Variants in TEK observed in about 807,000 individuals in gnomAD.
TEK encodes the protein TEK receptor tyrosine kinase, also known as angiopoietin-1 receptor.
Under a neutral mutation model 131.8 loss-of-function variants are expected in TEK, and 43 were observed. The observed-to-expected ratio is 0.33, with a 90% CI of 0.26 to 0.42. The LOEUF (loss-of-function observed/expected upper bound fraction) is 0.42, where lower values mean the gene tolerates loss of function less well. TEK is among the 10% of genes least tolerant of loss of function. The pLI, the probability that TEK is intolerant of heterozygous loss-of-function variation, is 1.00. For missense variants in TEK, 1,162 were observed against 1,384.4 expected (o/e 0.84, Z 2.55); for synonymous variants, 580 against 491.6 (o/e 1.18, Z -2.38).
intron 1 of TEK, among the ~76,000 whole-genome samples, chr9:27,124,796 G>T (rs1031334244): frequency 6.6e-6 from 1 of 152,074 alleles, no homozygotes; most frequent in South Asian, 2.1e-4. Context: ...CTTAAATTTA[G>T]AAAACACAAA....
At chr9:27,110,903 T>G (rs1415980271) in intron 1 of TEK, among the ~76,000 whole-genome samples, 6 of 93,774 alleles carry the variant, frequency 6.4e-5, no homozygotes, top group Non-Finnish European at 1.3e-4. Flanking sequence ...ATAATTATCA[T>G]GATTCCATTT....
chr9:27,177,240 A>G (rs1824202652), intron 6 of TEK, among the ~76,000 whole-genome samples: 1 of 152,188 alleles, frequency 6.6e-6, no homozygotes, highest in Non-Finnish European at 1.5e-5. Flanking sequence ...TGGCAGTTCT[A>G]TTTTGAGTGT....
At chr9:27,175,522 A>C (rs183080655) in intron 6 of TEK, among the ~76,000 whole-genome samples, 183 of 151,946 alleles carry the variant, frequency 1.2e-3, no homozygotes, top group African/African-American at 4.2e-3. Flanking sequence ...GTGGCTGGGT[A>C]AAATGGTATT....
At chr9:27,166,758 T>C (rs1823746464) in intron 2 of TEK, among the ~76,000 whole-genome samples, 1 of 152,230 alleles carries the variant, frequency 6.6e-6, no homozygotes, top group African/African-American at 2.4e-5. Flanking sequence ...TTTATGTGTG[T>C]GTGTGTTTTA....
intron 20 of TEK, among the ~76,000 whole-genome samples, chr9:27,219,602 T>C (rs75997795): frequency 0.012 from 1,340 of 110,062 alleles, 4 homozygotes; most frequent in Non-Finnish European, 0.021. Flanking sequence ...GGCACATGTA[T>C]CTCAGAACTT....
intron 1 of TEK, among the ~76,000 whole-genome samples, chr9:27,117,982 A>G (rs1279932412): frequency 1.3e-5 from 2 of 152,144 alleles, no homozygotes; most frequent in East Asian, 3.9e-4. Flanking sequence ...CTGGGGAGGC[A>G]CTCACTGCTC....
chr9:27,136,565 A>C (rs1333790338), intron 1 of TEK, among the ~76,000 whole-genome samples: 1 of 152,216 alleles, frequency 6.6e-6, no homozygotes, highest in Non-Finnish European at 1.5e-5. Context: ...ACACAGGTAC[A>C]GATGGACATA....
At chr9:27,216,521 G>A (rs377034767) in intron 18 of TEK, among the ~76,000 whole-genome samples, 13 of 152,248 alleles carry the variant, frequency 8.5e-5, no homozygotes, top group Middle Eastern at 3.4e-3. Flanking sequence ...GAGATGGGGT[G>A]GTGTGGACAG....
chr9:27,229,096 C>T (rs891868429), intron 22 of TEK, 62 bp from the exon 23 acceptor site: 6 of 1,497,606 alleles, frequency 4.0e-6, no homozygotes, highest in Non-Finnish European at 5.6e-6. Context: ...ATTGCTGTAA[C>T]TGCCGCTGGC....
chr9:27,116,470 G>A (rs751104473), intron 1 of TEK, among the ~76,000 whole-genome samples: 1 of 152,050 alleles, frequency 6.6e-6, no homozygotes, highest in Admixed American at 6.5e-5. Context: ...TGTACTTTTA[G>A]TAGAGACGGG....
chr9:27,183,598 G>A lies in TEK; in HGVS notation c.1170G>A (p.Gly390=). The change falls in exon 8 of 23, where the codon GGG becomes GGA. Residue 390 remains glycine (G), a synonymous_variant. Coordinates refer to ENST00000380036, the MANE Select transcript of TEK (RefSeq NM_000459.5). ...AAATGACCCTGGTGAAGCCGGATGGGACAGTGCTCCATGTAAGAGCCATTC... is the reference window on the plus strand; with the variant it reads ...AAATGACCCTGGTGAAGCCGGATGGAACAGTGCTCCATGTAAGAGCCATTC... ...NEEMTLVKPD[G]TVLHPKDFNH... 1 of 1,613,884 alleles carries A rather than the reference G, an allele frequency of 6.2e-7. No homozygotes were observed. The highest frequency in any genetic ancestry group is 8.5e-7 in the Non-Finnish European group (1 of 1,179,814).
In TEK at chr9:27,192,490, G is replaced by T. The variant is rs780437896; in HGVS notation, c.1491G>T (p.Val497=). ...TTCCTGGACGTTTTCTCTTCTCAGT[G>T]ACAAATGAGATTGTTACACTCAACT... The part of the protein sequence containing the change: ...NHYEAWQHIQ[V]TNEIVTLNYL... Residue 497 remains valine, a splice_region_variant and synonymous_variant, in exon 11 of 23, where the codon GTG becomes GTT. Transcript: ENST00000380036. 3.2e-5 allele frequency: 52 copies of T among 1,613,718 alleles called. No homozygotes were observed. Among genetic ancestry groups the T allele is most frequent in the Non-Finnish European group, 4.2e-5 (50 of 1,179,874 alleles).
At chr9:27,216,340 C>G (rs141843679) in intron 18 of TEK, among the ~76,000 whole-genome samples, 524 of 151,938 alleles carry the variant, frequency 3.4e-3, no homozygotes, top group African/African-American at 0.012. Context: ...TGAGGTGATA[C>G]AGTAGACAGA....
chr9:27,153,333 C>A (rs1823202622), intron 1 of TEK, among the ~76,000 whole-genome samples: 1 of 152,140 alleles, frequency 6.6e-6, no homozygotes. Flanking sequence ...ACTTGTAATC[C>A]CAGCTACTCG....
chr9:27,160,010 GTTTT>G (rs563961610), intron 2 of TEK, among the ~76,000 whole-genome samples: 12,348 of 83,970 alleles, frequency 0.15, 985 homozygotes, highest in South Asian at 0.24. Context: ...GCTGTTTAGG[GTTTT>G]TTTTTTTTTT....
intron 21 of TEK, among the ~76,000 whole-genome samples, chr9:27,225,657 CA>C (rs1826293046): frequency 6.6e-6 from 1 of 152,126 alleles, no homozygotes; most frequent in South Asian, 2.1e-4. Flanking sequence ...TGGGCAATAC[CA>C]TTCAGGACAT....
chr9:27,164,521 G>A (rs1823658299), intron 2 of TEK, among the ~76,000 whole-genome samples: 1 of 151,928 alleles, frequency 6.6e-6, no homozygotes, highest in Non-Finnish European at 1.5e-5. Context: ...GAGTTTCAAT[G>A]TGTTAGCCAG....
chr9:27,113,239 A>C (rs997868544), intron 1 of TEK, among the ~76,000 whole-genome samples: 1 of 152,114 alleles, frequency 6.6e-6, no homozygotes, highest in African/African-American at 2.4e-5. Context: ...CAGGGTTGTG[A>C]TGAGAATCAA....
intron 18 of TEK, among the ~76,000 whole-genome samples, chr9:27,214,362 C>A (rs73427185): frequency 3.3e-5 from 5 of 152,030 alleles, no homozygotes; most frequent in Admixed American, 2.0e-4. Flanking sequence ...ATGTGTCTGG[C>A]AGATCTACTC....
Sources: gnomAD v4.1 joint callset for allele counts (sites outside exome capture counted in the v4.1 genomes callset) on GRCh38, gnomAD v4.1.1 for gene constraint, MANE v1.5 for transcripts, NCBI Gene and HGNC (gene_info 2026-07-23, HGNC 2026-07-21) for gene names.